The following DDC variants were observed in gnomAD, a reference collection of about 807,000 sequenced individuals.
The protein encoded by DDC is aromatic-L-amino-acid decarboxylase.
DDC carries 43 observed loss-of-function variants against 60.0 expected under a neutral mutation model. That is an observed-to-expected ratio of 0.72 (90% CI 0.56 to 0.92). DDC has a LOEUF of 0.92. Ranked by LOEUF, DDC falls within the 40% of genes least tolerant of loss-of-function variation. The pLI, the probability that DDC is intolerant of heterozygous loss-of-function variation, is 0.00. For synonymous variants in DDC, 232 were observed against 234.6 expected, an observed-to-expected ratio of 0.99 and a Z score of 0.10; for missense variants, 573 against 620.2, an observed-to-expected ratio of 0.92 and a Z score of 0.81.
chr7:50,469,718 C>T (rs1017439391), intron 12 of DDC, among the ~76,000 whole-genome samples: 17 of 152,200 alleles, frequency 1.1e-4, no homozygotes, highest in Non-Finnish European at 1.0e-4. Context: ...GTGGCTCACA[C>T]CTGTAATCCC....
At chr7:50,502,733 C>A (rs1371156716) in intron 7 of DDC, among the ~76,000 whole-genome samples, 2 of 152,260 alleles carry the variant, frequency 1.3e-5, no homozygotes, top group Non-Finnish European at 2.9e-5. Flanking sequence ...GTTCCCAGCA[C>A]TGCATTCCTT....
chr7:50,541,334 T>C (rs1429213431), intron 2 of DDC: 1 of 152,324 alleles, frequency 6.6e-6, no homozygotes, highest in Non-Finnish European at 1.5e-5. Flanking sequence ...CGTGCTCTGA[T>C]GCTTCCTCCA....
At chr7:50,552,651 C>T (rs2045042203) in intron 1 of DDC, among the ~76,000 whole-genome samples, 1 of 152,200 alleles carries the variant, frequency 6.6e-6, no homozygotes, top group Non-Finnish European at 1.5e-5. Context: ...CTTCTCCAAG[C>T]AGGGTCCTCA....
intron 1 of DDC, among the ~76,000 whole-genome samples, chr7:50,558,511 G>T (rs572671597): frequency 6.6e-6 from 1 of 152,276 alleles, no homozygotes; most frequent in African/African-American, 2.4e-5. Flanking sequence ...GTTGAACTTT[G>T]GTTGCCACAT....
At chr7:50,476,459 C>T (rs539749801) in intron 11 of DDC, among the ~76,000 whole-genome samples, 165 bp downstream of exon 11, 2 of 152,292 alleles carry the variant, frequency 1.3e-5, no homozygotes, top group South Asian at 2.1e-4. Flanking sequence ...GCAGAGCTGC[C>T]CGCCACCTGG....
intron 1 of DDC, among the ~76,000 whole-genome samples, chr7:50,562,984 T>C (rs918242478): frequency 2.6e-5 from 4 of 152,138 alleles, no homozygotes; most frequent in Non-Finnish European, 5.9e-5. Context: ...CTGGCCAGCA[T>C]GATGAAATCC....
chr7:50,549,785 G>A lies in DDC; in HGVS notation c.-28-5672C>T, dbSNP rs2044927990. On this transcript the variant is annotated intron_variant, in intron 1 of 14. Coordinates refer to ENST00000444124, the MANE Select transcript of DDC (RefSeq NM_001082971.2). ...AAGTTTCAAAATTTCAGTGGAAGAA[G>A]TCACTGCAGATATGGTGGAAATAGA... Among the ~76,000 whole-genome samples the A allele has an allele frequency of 3.3e-5, 5 of 152,164 alleles. No individual in the cohort carries two copies. The South Asian group carries it at 8.3e-4, about 25-fold the overall frequency.
chr7:50,504,801 C>T (rs1312426792), intron 6 of DDC, among the ~76,000 whole-genome samples: 1 of 152,110 alleles, frequency 6.6e-6, no homozygotes, highest in African/African-American at 2.4e-5. Flanking sequence ...CCAGCAGGGC[C>T]CAGACTGCCC....
intron 6 of DDC, among the ~76,000 whole-genome samples, chr7:50,511,455 C>T (rs1199927663): frequency 2.0e-5 from 3 of 151,998 alleles, no homozygotes; most frequent in Non-Finnish European, 4.4e-5. Context: ...CACTTGAGGT[C>T]AGGATTTCGA....
chr7:50,464,568 C>T (rs1286873804), intron 13 of DDC, among the ~76,000 whole-genome samples: 2 of 152,190 alleles, frequency 1.3e-5, no homozygotes, highest in African/African-American at 2.4e-5. Flanking sequence ...GTATAGAGCA[C>T]AGAAAATGGA....
At chr7:50,466,773 C>T (rs1282293577) in intron 13 of DDC, among the ~76,000 whole-genome samples, 5 of 152,204 alleles carry the variant, frequency 3.3e-5, no homozygotes, top group African/African-American at 4.8e-5. Flanking sequence ...TGTAAAGGTG[C>T]GCAGCCAGCA....
chr7:50,512,213 C>T (rs2043599055), intron 6 of DDC, among the ~76,000 whole-genome samples: 1 of 152,074 alleles, frequency 6.6e-6, no homozygotes, highest in Non-Finnish European at 1.5e-5. Context: ...ACCATGCTAA[C>T]ACCAATGAAA....
intron 1 of DDC, among the ~76,000 whole-genome samples, chr7:50,564,738 C>T (rs1450001432): frequency 6.6e-6 from 1 of 152,172 alleles, no homozygotes; most frequent in Non-Finnish European, 1.5e-5. Context: ...TTCTAATTCT[C>T]CTCAAATCAC....
intron 11 of DDC, among the ~76,000 whole-genome samples, chr7:50,475,411 G>T (rs1333373115): frequency 6.6e-6 from 1 of 152,146 alleles, no homozygotes; most frequent in East Asian, 1.9e-4. Context: ...TTTCTCCCTG[G>T]GTGTAGAGCT....
chr7:50,547,389 G>A (rs1344314374), intron 1 of DDC, among the ~76,000 whole-genome samples: 1 of 150,964 alleles, frequency 6.6e-6, no homozygotes, highest in Non-Finnish European at 1.5e-5. Context: ...TTTTTTTTTT[G>A]TATTTTTAGT....
At chr7:50,507,910 G>A (rs2043444152) in intron 6 of DDC, among the ~76,000 whole-genome samples, 1 of 152,170 alleles carries the variant, frequency 6.6e-6, no homozygotes, top group Non-Finnish European at 1.5e-5. Flanking sequence ...CTTTACAGTT[G>A]ACTTATGTGA....
At chr7:50,563,053 G>A (rs1039906151) in intron 1 of DDC, among the ~76,000 whole-genome samples, 4 of 151,776 alleles carry the variant, frequency 2.6e-5, no homozygotes, top group African/African-American at 9.7e-5. Context: ...TGTAATTCCA[G>A]CTACTCAGGA....
Position 50,463,255 on chromosome 7 carries a change from G to A in DDC, c.1419C>T (p.Asp473=), listed in dbSNP as rs766373242. The A allele has an allele frequency of 1.5e-5, 24 of 1,613,652 alleles. No homozygotes were observed. The highest frequency in any genetic ancestry group is 7.7e-5 in the South Asian group (7 of 90,988). Residue 473 remains aspartate, a synonymous_variant, in exon 14 of 15, where the codon GAC becomes GAT. Coordinates refer to ENST00000444124, the MANE Select transcript of DDC (RefSeq NM_001082971.2). ...AWEHIKELAA[D]VLRAERE ...CCTACTCCCTCTCTGCTCGCAGCAC[G>A]TCGGCCGCCAGCTCTTTGATGTGTT...
At chr7:50,528,015 G>T in intron 6 of DDC, 122 bp downstream of exon 6, 1 of 1,175,798 alleles carries the variant, frequency 8.5e-7, no homozygotes, top group Non-Finnish European at 1.2e-6. Context: ...TCCTGCCTCA[G>T]CTTCCCGAGT....
Sources: gnomAD v4.1 joint callset for allele counts (sites outside exome capture counted in the v4.1 genomes callset) on GRCh38, gnomAD v4.1.1 for gene constraint, MANE v1.5 for transcripts, NCBI Gene and HGNC (gene_info 2026-07-23, HGNC 2026-07-21) for gene names.